NCOR1: variants seen among roughly 807,000 people sequenced by gnomAD.
NCOR1 encodes the protein nuclear receptor corepressor 1.
Under a neutral mutation model 288.1 loss-of-function variants are expected in NCOR1, and 63 were observed. The observed-to-expected ratio is 0.22, with a 90% CI of 0.18 to 0.27. The LOEUF is 0.27. Ranked by LOEUF, NCOR1 falls within the 10% of genes least tolerant of loss-of-function variation. The pLI is 1.00. For synonymous variants in NCOR1, 1,007 were observed against 1,065.9 expected (o/e 0.94, Z 1.08); for missense variants, 2,397 against 3,019.2 (o/e 0.79, Z 4.83).
At position 16,070,407 on chromosome 17, in the gene NCOR1, G is replaced by A. The variant is rs2152725418; in HGVS notation, c.4271C>T (p.Pro1424Leu). 2 of 1,614,152 alleles carry A rather than the reference G, an allele frequency of 1.2e-6. No individual in the cohort carries two copies. Among genetic ancestry groups the A allele is most frequent in the Non-Finnish European group, 1.7e-6 (2 of 1,180,024 alleles). ...SRGMPPLEIV[P>L]ENIKVVERGK... Reference sequence around the variant, plus strand: ...CCGTTCTACCACTTTTATGTTCTCTGGCACAATTTCCAGCGGAGGCATTCC... The same window carrying A: ...CCGTTCTACCACTTTTATGTTCTCTAGCACAATTTCCAGCGGAGGCATTCC... Residue 1424 changes from proline (P) to leucine (L), a missense_variant, in exon 31 of 46, where the codon CCA becomes CTA. By Grantham distance (98) the Pro-to-Leu change is moderately conservative. Coordinates refer to ENST00000268712, the MANE Select transcript of NCOR1 (RefSeq NM_006311.4).
intron 42 of NCOR1, among the ~76,000 whole-genome samples, chr17:16,043,411 A>G (rs1466020512): frequency 1.3e-5 from 2 of 152,228 alleles, no homozygotes; most frequent in African/African-American, 4.8e-5. Flanking sequence ...GCAATAAAAA[A>G]AAAATCCCAG....
chr17:16,110,631 C>A (rs561790928), intron 18 of NCOR1, among the ~76,000 whole-genome samples: 17 of 152,272 alleles, frequency 1.1e-4, no homozygotes, highest in African/African-American at 3.9e-4. Context: ...TGTCTTGTGC[C>A]CCTTACAGAG....
intron 23 of NCOR1, among the ~76,000 whole-genome samples, chr17:16,083,426 A>G (rs895281222): frequency 2.0e-5 from 3 of 152,076 alleles, no homozygotes; most frequent in Non-Finnish European, 4.4e-5. Flanking sequence ...AAACACATAC[A>G]AATCTCTAAA....
At chr17:16,048,474 A>T (rs889455839) in intron 41 of NCOR1, among the ~76,000 whole-genome samples, 1 of 152,200 alleles carries the variant, frequency 6.6e-6, no homozygotes, top group Non-Finnish European at 1.5e-5. Flanking sequence ...GGTCACGGTT[A>T]GAAATAGGTA....
rs779231258 is a variant in NCOR1 at position 16,065,001 on chromosome 17, T to C, written c.4970A>G (p.Asn1657Ser). ...PATRGIIDLT[N>S]MPPTILVPHP... ...AGGCACTAAAATTGTTGGAGGCATATTGGTCAGGTCAATGATTCCTATCCA... is the reference window on the plus strand; with the variant it reads ...AGGCACTAAAATTGTTGGAGGCATACTGGTCAGGTCAATGATTCCTATCCA... Residue 1657 changes from asparagine (N) to serine (S), a missense_variant, in exon 34 of 46, where the codon AAT becomes AGT. Coordinates refer to ENST00000268712, the MANE Select transcript of NCOR1 (RefSeq NM_006311.4). 4.3e-6 allele frequency: 7 copies of C among 1,613,842 alleles called. No individual in the cohort carries two copies. Among genetic ancestry groups the C allele is most frequent in the East Asian group, 2.2e-5 (1 of 44,890 alleles).
intron 22 of NCOR1, among the ~76,000 whole-genome samples, chr17:16,089,124 GTTT>G (rs61185663): frequency 9.4e-5 from 13 of 139,028 alleles, no homozygotes; most frequent in Non-Finnish European, 1.4e-4. Context: ...CATAGTAGTG[GTTT>G]TTTTTTTTTT....
At chr17:16,092,783 C>T (rs538454110) in intron 21 of NCOR1, among the ~76,000 whole-genome samples, 103 of 145,354 alleles carry the variant, frequency 7.1e-4, no homozygotes, top group Non-Finnish European at 1.5e-3. Flanking sequence ...GCTGCAACGT[C>T]CACCTCCCGG....
intron 1 of NCOR1, among the ~76,000 whole-genome samples, chr17:16,197,609 A>C (rs2090082807): frequency 6.6e-6 from 1 of 152,182 alleles, no homozygotes; most frequent in African/African-American, 2.4e-5. Flanking sequence ...AATTCCTCTA[A>C]TATCACAAAA....
intron 2 of NCOR1, among the ~76,000 whole-genome samples, chr17:16,188,077 A>G (rs2087115960): frequency 6.6e-6 from 1 of 152,178 alleles, no homozygotes; most frequent in South Asian, 2.1e-4. Context: ...TAGCTGCACA[A>G]TATAATGAAT....
chr17:16,208,019 C>T (rs1230288472), intron 1 of NCOR1, among the ~76,000 whole-genome samples: 2 of 146,946 alleles, frequency 1.4e-5, no homozygotes, highest in South Asian at 2.1e-4. Flanking sequence ...ATCAACCAAC[C>T]GTTCCATATT....
chr17:16,155,939 C>T (rs2079692565), intron 6 of NCOR1, among the ~76,000 whole-genome samples: 1 of 152,102 alleles, frequency 6.6e-6, no homozygotes, highest in Admixed American at 6.5e-5. Context: ...TCCTCCCCTC[C>T]GGGAGCTCCC....
intron 26 of NCOR1, among the ~76,000 whole-genome samples, chr17:16,077,406 A>T (rs2062628486): frequency 6.8e-6 from 1 of 147,040 alleles, no homozygotes. Flanking sequence ...TCTGTCAAAA[A>T]AGCAAGCAAG....
intron 14 of NCOR1, among the ~76,000 whole-genome samples, chr17:16,131,547 C>T (rs1485258779): frequency 2.0e-5 from 3 of 151,818 alleles, no homozygotes; most frequent in Admixed American, 6.6e-5. Flanking sequence ...TGCCAAAAAA[C>T]GAAATTACTA....
Position 16,040,503 on chromosome 17 carries a change from A to G in NCOR1, c.6680-9T>C. On this transcript the variant is annotated splice_polypyrimidine_tract_variant and intron_variant, in intron 42 of 45. Transcript: ENST00000268712. ...TCCTGGCTGAGCAGCTGCTATATTTAAGCAAACATTCAAGTTAATTAAGAT... is the reference window on the plus strand; with the variant it reads ...TCCTGGCTGAGCAGCTGCTATATTTGAGCAAACATTCAAGTTAATTAAGAT... 6.2e-7 allele frequency: 1 copy of G among 1,612,468 alleles called. No individual in the cohort carries two copies. Among genetic ancestry groups the G allele is most frequent in the Non-Finnish European group, 8.5e-7 (1 of 1,179,070 alleles).
rs2152998445 is a variant in NCOR1 at position 16,101,658 on chromosome 17, G to C, written c.2282C>G (p.Pro761Arg). 1.2e-6 allele frequency: 2 copies of C among 1,614,164 alleles called. No homozygotes were observed. Among genetic ancestry groups the C allele is most frequent in the Non-Finnish European group, 1.7e-6 (2 of 1,180,034 alleles). The part of the protein sequence containing the change: ...VELEPTTETA[P>R]STSPSLAVPS... ...AACTGCTAAGGAGGGAGATGTACTG[G>C]GTGCAGTTTCCGTGGTGGGCTCAAG... is the stretch of plus-strand genomic sequence containing the variant. Residue 761 changes from proline to arginine, a missense_variant, in exon 20 of 46, where the codon CCC (proline) becomes CGC (arginine). By Grantham distance (103) the Pro-to-Arg change is moderately radical (BLOSUM62 -2). Transcript: ENST00000268712.
rs768889721 is a variant in NCOR1 at position 16,079,982 on chromosome 17, T to A, written c.3483A>T (p.Leu1161=). 22 of 1,613,846 alleles carry A rather than the reference T, an allele frequency of 1.4e-5. No individual in the cohort carries two copies. The highest frequency in any genetic ancestry group is 1.9e-5 in the Non-Finnish European group (22 of 1,179,730). ...GACTAACCTGAGTGATAGAGCCCCG[T>A]AGGGATGGAATGCTCTCCACTGAAA... ...SKISVESIPS[L]RGSITQGTPA... The change falls in exon 26 of 46, where the codon CTA becomes CTT. Residue 1161 remains leucine, a synonymous_variant. Transcript: ENST00000268712.
chr17:16,193,185 A>G (rs1237387493), intron 2 of NCOR1, among the ~76,000 whole-genome samples: 1 of 152,174 alleles, frequency 6.6e-6, no homozygotes, highest in East Asian at 1.9e-4. Context: ...TAATGAGTGC[A>G]TTCTAATATA....
chr17:16,054,159 A>G (rs144190860), intron 40 of NCOR1, among the ~76,000 whole-genome samples: 2 of 152,056 alleles, frequency 1.3e-5, no homozygotes, highest in Admixed American at 1.3e-4. Context: ...CAAAGATTTC[A>G]TAACAAAGAC....
At chr17:16,212,936 G>A (rs2092267569) in intron 1 of NCOR1, among the ~76,000 whole-genome samples, 1 of 151,752 alleles carries the variant, frequency 6.6e-6, no homozygotes, top group African/African-American at 2.4e-5. Context: ...AACCAGGCGT[G>A]GTGGCCTGTG....
Sources: gnomAD v4.1 joint callset for allele counts (sites outside exome capture counted in the v4.1 genomes callset) on GRCh38, gnomAD v4.1.1 for gene constraint, MANE v1.5 for transcripts, NCBI Gene and HGNC (gene_info 2026-07-23, HGNC 2026-07-21) for gene names.